Variants in MCF2L observed in about 807,000 individuals in gnomAD.
MCF2L encodes MCF.2 cell line derived transforming sequence like.
Under a neutral mutation model 153.4 loss-of-function variants are expected in MCF2L, and 97 were observed. The ratio of observed to expected loss-of-function variants is 0.63; its 90% CI spans 0.54 to 0.75. The LOEUF is 0.75. MCF2L is among the 30% of genes least tolerant of loss of function. MCF2L has a pLI of 0.00. For synonymous variants in MCF2L, 659 were observed against 632.2 expected (o/e 1.04, Z -0.64); for missense variants, 1,347 against 1,495.2 (o/e 0.90, Z 1.64).
intron 1 of MCF2L, among the ~76,000 whole-genome samples, chr13:112,980,015 G>A (rs936644991): frequency 1.3e-5 from 2 of 152,212 alleles, no homozygotes; most frequent in African/African-American, 2.4e-5. Context: ...ACGAATTTCC[G>A]CTCCGATTGG....
intron 2 of MCF2L, among the ~76,000 whole-genome samples, chr13:112,919,262 G>C (rs2081328889): frequency 7.2e-6 from 1 of 138,574 alleles, no homozygotes; most frequent in Non-Finnish European, 1.5e-5. Flanking sequence ...CTGGAGTGCA[G>C]TGGCGGGATC....
chr13:112,903,975 C>T (rs902551710), intron 2 of MCF2L, among the ~76,000 whole-genome samples: 6 of 152,170 alleles, frequency 3.9e-5, no homozygotes, highest in African/African-American at 1.4e-4. Context: ...GCTGGCTGCC[C>T]TGACCTCTGC....
In MCF2L at chr13:113,053,498, G is replaced by A. The variant is rs924778944; in HGVS notation, c.370-7095G>A. ...GAGGCCCAGGATGTCCATGTGTCCC[G>A]TGATTGGGGCGGTGTTGTGTGCTCA... is the stretch of plus-strand genomic sequence containing the variant. On this transcript the variant is annotated intron_variant, in intron 4 of 29. Coordinates refer to ENST00000535094, the MANE Select transcript of MCF2L (RefSeq NM_001112732.3). The surrounding 1 kb of genome is among the most constrained non-coding windows in gnomAD (Gnocchi z 4.4). Among the ~76,000 whole-genome samples, 4 of 152,224 alleles carry A rather than the reference G, an allele frequency of 2.6e-5. No homozygotes were observed. Among genetic ancestry groups the A allele is most frequent in the Admixed American group, 2.0e-4 (3 of 15,280 alleles).
chr13:113,066,869 C>T (rs1244733415), intron 8 of MCF2L, among the ~76,000 whole-genome samples: 1 of 152,228 alleles, frequency 6.6e-6, no homozygotes. Flanking sequence ...CGCACCCAGG[C>T]CTGGACCAAG....
At position 112,943,630 on chromosome 13, in the gene MCF2L, G is replaced by A. The variant is rs1430898947; in HGVS notation, c.169+41259G>A. Among the ~76,000 whole-genome samples, 3 of 152,184 alleles carry A rather than the reference G, an allele frequency of 2.0e-5. No individual in the cohort carries two copies. The highest frequency in any genetic ancestry group is 4.4e-5 in the Non-Finnish European group (3 of 68,008). On this transcript the variant is annotated intron_variant, in intron 2 of 29. Coordinates refer to the MCF2L transcript ENST00000375608. The surrounding 1 kb of genome is among the most constrained non-coding windows in gnomAD (Gnocchi z 4.2). ...CAGGCGCAGAGGAGGCGCGGGGGGCGGGACCTGCCGGCCAGTCCCTTACCC... is the reference window on the plus strand; with the variant it reads ...CAGGCGCAGAGGAGGCGCGGGGGGCAGGACCTGCCGGCCAGTCCCTTACCC...
chr13:112,917,775 T>G lies in MCF2L; in HGVS notation c.169+15404T>G, dbSNP rs185046598. Among the ~76,000 whole-genome samples the G allele has an allele frequency of 4.6e-5, 7 of 152,354 alleles. No homozygotes were observed. In the East Asian group the frequency reaches 1.4e-3, roughly 29 times the overall value. Reference sequence around the variant, plus strand: ...TTGTGTGTTTGTAGGTTTCATTTCATGTGATTTTCCCTTCTCTTGTTTGCT... The same window carrying G: ...TTGTGTGTTTGTAGGTTTCATTTCAGGTGATTTTCCCTTCTCTTGTTTGCT... On this transcript the variant is annotated intron_variant, in intron 2 of 29. Coordinates refer to the MCF2L transcript ENST00000375608.
intron 1 of MCF2L, chr13:113,001,997 G>T (rs775169697): frequency 6.4e-7 from 1 of 1,562,718 alleles, no homozygotes; most frequent in Non-Finnish European, 8.6e-7. Flanking sequence ...CGTGGGGCGC[G>T]GGCGGGTCCT....
chr13:113,018,749 C>T (rs1329421061), intron 2 of MCF2L, among the ~76,000 whole-genome samples: 2 of 152,226 alleles, frequency 1.3e-5, no homozygotes, highest in African/African-American at 2.4e-5. Flanking sequence ...AACAGACTTG[C>T]CACCGGTGAA....
intron 15 of MCF2L, among the ~76,000 whole-genome samples, chr13:113,079,150 C>A (rs1356950020): frequency 6.6e-6 from 1 of 152,242 alleles, no homozygotes; most frequent in Non-Finnish European, 1.5e-5. Context: ...TGGTGCCAGG[C>A]AGCTGGTGTG....
At position 112,943,394 on chromosome 13, in the gene MCF2L, G is replaced by A. The variant is rs1383520605; in HGVS notation, c.169+41023G>A. On this transcript the variant is annotated intron_variant, in intron 2 of 29. Transcript: ENST00000375608. This position sits in a 1 kb window ranked among gnomAD's most constrained non-coding sequence, Gnocchi z 4.2. ...GGCGGCTCCCAGCTCCCGGTCCCCGGCTCCGCGCCGCAGGCGTGAACGCCC... is the reference window on the plus strand; with the variant it reads ...GGCGGCTCCCAGCTCCCGGTCCCCGACTCCGCGCCGCAGGCGTGAACGCCC... 6.8e-6 allele frequency among the ~76,000 whole-genome samples: 1 copy of A among 147,908 alleles called. No individual in the cohort carries two copies. Among genetic ancestry groups the A allele is most frequent in the Non-Finnish European group, 1.5e-5 (1 of 66,796 alleles).
chr13:113,085,386 C>T (rs977934409), intron 20 of MCF2L, among the ~76,000 whole-genome samples: 13 of 152,196 alleles, frequency 8.5e-5, no homozygotes, highest in South Asian at 2.1e-4. Context: ...GACGAGTCCC[C>T]GTCCCCATGG....
rs1197082482 is a variant in MCF2L, at chr13:112,943,835, G to C, written c.169+41464G>C. Among the ~76,000 whole-genome samples, 1 of 152,136 alleles carries C rather than the reference G, an allele frequency of 6.6e-6. No individual in the cohort carries two copies. Among genetic ancestry groups the C allele is most frequent in the East Asian group, 1.9e-4 (1 of 5,156 alleles). On this transcript the variant is annotated intron_variant, in intron 2 of 29. Transcript: ENST00000375608. The surrounding 1 kb of genome is among the most constrained non-coding windows in gnomAD (Gnocchi z 4.2). Reference sequence around the variant, plus strand: ...ACCTGGCGGGAGGCGTAGTAGGCGGGGTGAGGGGATCTCGGTGGCAGCGGG... The same window carrying C: ...ACCTGGCGGGAGGCGTAGTAGGCGGCGTGAGGGGATCTCGGTGGCAGCGGG...
Position 113,046,722 on chromosome 13 carries a change from C to G in MCF2L, c.369+1361C>G. On this transcript the variant is annotated intron_variant, in intron 4 of 29. Coordinates refer to ENST00000535094, the MANE Select transcript of MCF2L (RefSeq NM_001112732.3). The surrounding 1 kb of genome is among the most constrained non-coding windows in gnomAD (Gnocchi z 4.4). ...GGCATCTCCTTGCACCCCCACGGCA[C>G]CTCTCTGCCCCTCGCCGCGGCGGAT... 2.0e-6 allele frequency: 1 copy of G among 499,782 alleles called. No individual in the cohort carries two copies. The highest frequency in any genetic ancestry group is 1.5e-5 in the South Asian group (1 of 68,038). 31.0% of individuals were successfully genotyped at this position (499,782 alleles called of 1,614,324 possible). A position where few individuals can be genotyped will look rare whatever the true frequency, so the allele number is the denominator to read the frequency against.
chr13:112,945,129 G>A (rs1046503782), intron 2 of MCF2L, among the ~76,000 whole-genome samples: 1 of 151,266 alleles, frequency 6.6e-6, no homozygotes, highest in Non-Finnish European at 1.5e-5. Context: ...ATCTACCATT[G>A]CAGTGTCATA....
At position 113,016,798 on chromosome 13, in the gene MCF2L, C is replaced by T. The variant is rs539584795; in HGVS notation, c.163+1952C>T. Among the ~76,000 whole-genome samples, 367 of 152,342 alleles carry T rather than the reference C, an allele frequency of 2.4e-3. 3 individuals carry two copies. The highest frequency in any genetic ancestry group is 8.4e-3 in the African/African-American group (351 of 41,586). On this transcript the variant is annotated intron_variant, in intron 2 of 29. Coordinates refer to ENST00000535094, the MANE Select transcript of MCF2L (RefSeq NM_001112732.3). Reference sequence around the variant, plus strand: ...CAGGCCTTGCTCAGAGGCACGCCCTCGTACATGCCCTCTCCCTCCTCGCCT... The same window carrying T: ...CAGGCCTTGCTCAGAGGCACGCCCTTGTACATGCCCTCTCCCTCCTCGCCT...
At chr13:112,964,830 G>A (rs553239419), upstream of MCF2L, 10 of 152,288 alleles carry the variant, frequency 6.6e-5, no homozygotes, top group South Asian at 1.9e-3. Context: ...AAGACCTCTA[G>A]GTGATGCTGT....
intron 2 of MCF2L, among the ~76,000 whole-genome samples, chr13:112,952,772 A>G (rs1039479194): frequency 7.9e-5 from 12 of 152,244 alleles, no homozygotes; most frequent in Non-Finnish European, 1.6e-4. Context: ...GTGGAGCAGG[A>G]ACATAGCATC....
At chr13:113,007,472 G>A (rs115491267) in intron 1 of MCF2L, among the ~76,000 whole-genome samples, 2,898 of 152,312 alleles carry the variant, frequency 0.019, 88 homozygotes, top group African/African-American at 0.066. Flanking sequence ...CGTGGCCACC[G>A]TGAGGCGGAG....
intron 22 of MCF2L, 51 bp downstream of exon 22, chr13:113,087,507 G>A (rs767497441): frequency 1.8e-5 from 26 of 1,455,976 alleles, no homozygotes; most frequent in African/African-American, 4.2e-5. Flanking sequence ...AGACCCCGAC[G>A]GGGGAAGTCT....
Sources: gnomAD v4.1 joint callset for allele counts (sites outside exome capture counted in the v4.1 genomes callset) on GRCh38, gnomAD v4.1.1 for gene constraint, Gnocchi (gnomAD v3.1) non-coding constraint, MANE v1.5 for transcripts, NCBI Gene and HGNC (gene_info 2026-07-23, HGNC 2026-07-21) for gene names.